The following CAMK2D variants were observed in gnomAD, a reference collection of about 807,000 sequenced individuals.
CAMK2D encodes the protein calcium/calmodulin-dependent protein kinase type II subunit delta.
Under a neutral mutation model 84.0 loss-of-function variants are expected in CAMK2D, and 37 were observed. That is an observed-to-expected ratio of 0.44 (90% CI 0.34 to 0.58). The LOEUF (loss-of-function observed/expected upper bound fraction) is 0.58, where lower values mean the gene tolerates loss of function less well. Ranked by LOEUF, CAMK2D falls within the 20% of genes least tolerant of loss-of-function variation. CAMK2D has a pLI of 0.02. For missense variants in CAMK2D, 448 were observed against 652.5 expected, an observed-to-expected ratio of 0.69 and a Z score of 3.41; for synonymous variants, 202 against 212.5, an observed-to-expected ratio of 0.95 and a Z score of 0.43.
intron 2 of CAMK2D, among the ~76,000 whole-genome samples, chr4:113,703,587 T>C (rs967775250): frequency 6.6e-6 from 1 of 152,218 alleles, no homozygotes; most frequent in African/African-American, 2.4e-5. Context: ...CCTCCCAAAG[T>C]CTGACGTGAG....
intron 17 of CAMK2D, among the ~76,000 whole-genome samples, chr4:113,462,687 C>T (rs1215761540): frequency 6.6e-6 from 1 of 152,074 alleles, no homozygotes; most frequent in East Asian, 1.9e-4. Context: ...TTTTGCCTGG[C>T]TACAATTGCT....
intron 2 of CAMK2D, among the ~76,000 whole-genome samples, chr4:113,727,814 A>C (rs2099550765): frequency 6.6e-6 from 1 of 152,180 alleles, no homozygotes. Flanking sequence ...CTTAGAAATC[A>C]GCAATAAAAA....
intron 2 of CAMK2D, among the ~76,000 whole-genome samples, chr4:113,692,533 TCATA>T (rs1456309916): frequency 6.6e-6 from 1 of 151,962 alleles, no homozygotes; most frequent in Non-Finnish European, 1.5e-5. Flanking sequence ...TATTCATATA[TCATA>T]CATACATATA....
intron 2 of CAMK2D, among the ~76,000 whole-genome samples, chr4:113,690,441 C>T (rs1332360934): frequency 6.6e-6 from 1 of 152,156 alleles, no homozygotes; most frequent in South Asian, 2.1e-4. Context: ...CAGTTGTGGG[C>T]ACAAAGGTCC....
chr4:113,499,001 T>C (rs1485460790), intron 16 of CAMK2D, among the ~76,000 whole-genome samples: 1 of 152,162 alleles, frequency 6.6e-6, no homozygotes, highest in Non-Finnish European at 1.5e-5. Context: ...GTTTCTCCAG[T>C]GGACAATGAA....
At chr4:113,481,580 A>G (rs7669815) in intron 16 of CAMK2D, among the ~76,000 whole-genome samples, 17 of 152,070 alleles carry the variant, frequency 1.1e-4, no homozygotes, top group Non-Finnish European at 2.1e-4. Flanking sequence ...CCCAAGTTCC[A>G]GTGATTCTTG....
chr4:113,572,941 A>G (rs887433321), intron 4 of CAMK2D, among the ~76,000 whole-genome samples: 4 of 152,188 alleles, frequency 2.6e-5, no homozygotes, highest in African/African-American at 7.2e-5. Context: ...CTAACACAGG[A>G]ACAGAAAACT....
At chr4:113,583,356 G>A (rs183933727) in intron 4 of CAMK2D, among the ~76,000 whole-genome samples, 227 of 152,190 alleles carry the variant, frequency 1.5e-3, no homozygotes, top group Admixed American at 3.2e-3. Flanking sequence ...TACTGATACC[G>A]CTCTCTGCAA....
chr4:113,456,831 A>T (rs1007348139), intron 19 of CAMK2D: 1 of 154,226 alleles, frequency 6.5e-6, no homozygotes, highest in African/African-American at 2.4e-5. Flanking sequence ...CTGGAAAAGC[A>T]AATGATATCT....
chr4:113,761,696 C>G lies in CAMK2D; in HGVS notation c.-628G>C, dbSNP rs538317650. 1.8e-3 allele frequency: 1,712 copies of G among 973,900 alleles called. 1 individual carries two copies. The highest frequency in any genetic ancestry group is 2.0e-3 in the Non-Finnish European group (1,626 of 819,558). The allele number at this position is 973,900 out of a possible 1,614,324, so 60.3% of individuals were successfully genotyped here. On this transcript the variant is annotated 5_prime_UTR_variant, in exon 1 of 21. Coordinates refer to ENST00000511664, the MANE Select transcript of CAMK2D (RefSeq NM_001321571.2). Reference sequence around the variant, plus strand: ...GAGGCACCTTGGCGGCCTCGCGCTGCTCACGAGCCCGCGCGGCTTCAAGAC... The same window carrying G: ...GAGGCACCTTGGCGGCCTCGCGCTGGTCACGAGCCCGCGCGGCTTCAAGAC...
intron 13 of CAMK2D, among the ~76,000 whole-genome samples, chr4:113,506,770 A>AT (rs1423409181): frequency 1.3e-5 from 2 of 152,188 alleles, no homozygotes; most frequent in Non-Finnish European, 2.9e-5. Context: ...TTTTATTTCT[A>AT]TTTTGGGATA....
chr4:113,666,596 C>CGCAT (rs2099258253), intron 2 of CAMK2D, among the ~76,000 whole-genome samples: 1 of 151,844 alleles, frequency 6.6e-6, no homozygotes, highest in Non-Finnish European at 1.5e-5. Context: ...CACACACGCA[C>CGCAT]GCATGCACAC....
intron 4 of CAMK2D, among the ~76,000 whole-genome samples, chr4:113,591,974 A>G (rs879535809): frequency 6.6e-6 from 1 of 152,162 alleles, no homozygotes; most frequent in Non-Finnish European, 1.5e-5. Context: ...TTGTAGGCAG[A>G]TATGTCTTAT....
At chr4:113,497,569 G>C (rs957474397) in intron 16 of CAMK2D, among the ~76,000 whole-genome samples, 1 of 152,064 alleles carries the variant, frequency 6.6e-6, no homozygotes, top group Non-Finnish European at 1.5e-5. Context: ...ATTCAAAGAC[G>C]CCAGAAAGAA....
chr4:113,542,444 T>C (rs2098536525), intron 6 of CAMK2D, among the ~76,000 whole-genome samples: 1 of 152,098 alleles, frequency 6.6e-6, no homozygotes, highest in South Asian at 2.1e-4. Flanking sequence ...GGCCGGGCGC[T>C]GTGGCTCGTG....
intron 2 of CAMK2D, among the ~76,000 whole-genome samples, chr4:113,733,585 A>G (rs942920579): frequency 3.3e-5 from 5 of 152,214 alleles, no homozygotes; most frequent in Admixed American, 6.5e-5. Flanking sequence ...TTAAATACCA[A>G]TAACGTTGAA....
Position 113,761,165 on chromosome 4 carries a change from AG to A in CAMK2D, c.-98del. 6.5e-7 allele frequency: 1 copy of A among 1,541,912 alleles called. No homozygotes were observed. The highest frequency in any genetic ancestry group is 8.8e-7 in the Non-Finnish European group (1 of 1,139,392). On this transcript the variant is annotated 5_prime_UTR_variant, in exon 1 of 21. Transcript: ENST00000511664. ...GACTGGCCCCGCGGCGCTGTCACCC[AG>A]GGCCGCTCTTACTTTCCTGGTCCGA...
intron 2 of CAMK2D, among the ~76,000 whole-genome samples, chr4:113,747,155 G>A (rs1336529262): frequency 6.6e-6 from 1 of 151,828 alleles, no homozygotes; most frequent in Non-Finnish European, 1.5e-5. Flanking sequence ...TGCTAGGGAG[G>A]CTAAATATTT....
At chr4:113,736,500 TG>T (rs1419825382) in intron 2 of CAMK2D, among the ~76,000 whole-genome samples, 1 of 152,206 alleles carries the variant, frequency 6.6e-6, no homozygotes, top group African/African-American at 2.4e-5. Context: ...TGTTTTAAAT[TG>T]AGTGAAACAA....
Sources: gnomAD v4.1 joint callset for allele counts (sites outside exome capture counted in the v4.1 genomes callset) on GRCh38, gnomAD v4.1.1 for gene constraint, MANE v1.5 for transcripts, NCBI Gene and HGNC (gene_info 2026-07-23, HGNC 2026-07-21) for gene names.